Variants in CFAP96 observed in about 807,000 individuals in gnomAD.
The protein encoded by CFAP96 is cilia-and flagella-associated protein 96.
At chr4:185,428,086 CA>C in the CFAP96 span, among the ~76,000 whole-genome samples, 94,968 of 141,310 alleles carry the variant, frequency 0.67, 33,462 homozygotes, top group East Asian at 0.84. Context: ...AACTCTGTCT[CA>C]AAAAAAAAAA....
the CFAP96 span, among the ~76,000 whole-genome samples, chr4:185,443,342 A>ATATATATATTTTTTT: frequency 4.2e-3 from 112 of 26,706 alleles, 6 homozygotes; most frequent in African/African-American, 5.1e-3. Flanking sequence ...ATATATATAT[A>ATATATATATTTTTTT]TTTTTTTTTT....
chr4:185,421,185 C>T, the CFAP96 span, among the ~76,000 whole-genome samples: 1 of 152,114 alleles, frequency 6.6e-6, no homozygotes, highest in Non-Finnish European at 1.5e-5. Context: ...GGCAGGGATT[C>T]AAATGTGGAC....
chr4:185,409,739 G>A, the CFAP96 span, among the ~76,000 whole-genome samples: 1 of 152,210 alleles, frequency 6.6e-6, no homozygotes, highest in African/African-American at 2.4e-5. Context: ...TCATAGACGT[G>A]ATTAAGGATC....
At chr4:185,425,695 G>A in the CFAP96 span, among the ~76,000 whole-genome samples, 2 of 152,080 alleles carry the variant, frequency 1.3e-5, no homozygotes, top group East Asian at 3.9e-4. Flanking sequence ...CTTTCCCCCC[G>A]GCCCAGCGCG....
At chr4:185,436,275 C>CT in the CFAP96 span, 1 of 1,549,994 alleles carries the variant, frequency 6.5e-7, no homozygotes, top group South Asian at 1.2e-5. Context: ...ACTTACTTTG[C>CT]TTTCTTAGCT....
the CFAP96 span, chr4:185,435,958 T>C: frequency 9.5e-7 from 1 of 1,053,928 alleles, no homozygotes; most frequent in African/African-American, 1.6e-5. Flanking sequence ...TCTCTTTTTT[T>C]CAATCTGTTT....
At chr4:185,411,039 C>CA in the CFAP96 span, among the ~76,000 whole-genome samples, 60 of 137,618 alleles carry the variant, frequency 4.4e-4, no homozygotes, top group Admixed American at 8.7e-4. Context: ...AAAGAAAGAG[C>CA]AAAAAAAAAG....
chr4:185,435,634 T>TCA, the CFAP96 span, among the ~76,000 whole-genome samples: 1 of 152,202 alleles, frequency 6.6e-6, no homozygotes, highest in Non-Finnish European at 1.5e-5. Context: ...TCACTTTCTG[T>TCA]CAGTAGTGGA....
At chr4:185,412,329 T>A in the CFAP96 span, among the ~76,000 whole-genome samples, 91,367 of 152,026 alleles carry the variant, frequency 0.6, 30,577 homozygotes, top group East Asian at 0.83. Flanking sequence ...TGGAAGCTGG[T>A]TGGCCCACAG....
At chr4:185,445,648 G>T in the CFAP96 span, 2 of 700,428 alleles carry the variant, frequency 2.9e-6, no homozygotes, top group Non-Finnish European at 4.7e-6. Context: ...ATTTTATCCA[G>T]GTTTTGCATA....
At chr4:185,426,137 G>C in the CFAP96 span, 1 of 538,870 alleles carries the variant, frequency 1.9e-6, no homozygotes, top group Admixed American at 3.2e-5. Flanking sequence ...ATCCTTCTGT[G>C]TGTTCTTCGA....
the CFAP96 span, among the ~76,000 whole-genome samples, chr4:185,422,884 G>A: frequency 1.1e-4 from 9 of 83,358 alleles, no homozygotes; most frequent in East Asian, 2.5e-3. Flanking sequence ...TTTGGAGACA[G>A]GGTCTCACTC....
chr4:185,425,407 G>T, the CFAP96 span, among the ~76,000 whole-genome samples: 1 of 152,130 alleles, frequency 6.6e-6, no homozygotes, highest in South Asian at 2.1e-4. Context: ...AATTTTAGGA[G>T]AACGCATAGG....
chr4:185,421,014 AC>A, the CFAP96 span, among the ~76,000 whole-genome samples: 1 of 152,232 alleles, frequency 6.6e-6, no homozygotes, highest in Non-Finnish European at 1.5e-5. Flanking sequence ...CCATAAAGTA[AC>A]ATTTTAGGAA....
the CFAP96 span, among the ~76,000 whole-genome samples, chr4:185,437,307 C>T: frequency 6.8e-3 from 1,038 of 152,210 alleles, 8 homozygotes; most frequent in African/African-American, 0.023. Context: ...CACTTATATG[C>T]GGAATGTCTA....
At chr4:185,414,601 T>C in the CFAP96 span, among the ~76,000 whole-genome samples, 5 of 152,174 alleles carry the variant, frequency 3.3e-5, no homozygotes, top group Admixed American at 6.5e-5. Flanking sequence ...TCTAATTTGA[T>C]AGGTTCTAAG....
chr4:185,435,348 G>A, the CFAP96 span, among the ~76,000 whole-genome samples: 1 of 152,066 alleles, frequency 6.6e-6, no homozygotes, highest in Admixed American at 6.5e-5. Context: ...TAGTAATAAG[G>A]TTTCATGTGT....
At chr4:185,436,286 A>G in the CFAP96 span, 7 of 1,550,958 alleles carry the variant, frequency 4.5e-6, no homozygotes, top group East Asian at 1.2e-4. Flanking sequence ...TTTCTTAGCT[A>G]TGCAAATATT....
the CFAP96 span, among the ~76,000 whole-genome samples, chr4:185,434,468 T>C: frequency 1.3e-5 from 2 of 152,202 alleles, no homozygotes; most frequent in African/African-American, 4.8e-5. Flanking sequence ...CTGCCTGTGA[T>C]AAACTTTGAC....
Sources: allele counts gnomAD v4.1 joint callset (sites outside exome capture counted in the v4.1 genomes callset), GRCh38; gene constraint gnomAD v4.1.1; transcripts MANE v1.5; gene names NCBI Gene and HGNC (gene_info 2026-07-23, HGNC 2026-07-21).